Variants in SLC9A9 observed in about 807,000 individuals in gnomAD.
The protein encoded by SLC9A9 is sodium/hydrogen exchanger 9.
Under a neutral mutation model 77.8 loss-of-function variants are expected in SLC9A9, and 62 were observed. That is an observed-to-expected ratio of 0.80 (90% CI 0.65 to 0.98). SLC9A9 has a LOEUF of 0.98. SLC9A9 is among the 50% of genes least tolerant of loss of function. SLC9A9 has a pLI of 0.00. For synonymous variants in SLC9A9, 320 were observed against 283.5 expected (o/e 1.13, Z -1.29); for missense variants, 775 against 774.9 (o/e 1.00, Z 0.00).
chr3:143,329,433 A>G (rs545287083), intron 14 of SLC9A9, among the ~76,000 whole-genome samples: 1 of 152,336 alleles, frequency 6.6e-6, no homozygotes, highest in South Asian at 2.1e-4. Context: ...TCAGATCCCT[A>G]TTGACATGAA....
chr3:143,424,492 T>C (rs1559910041), intron 12 of SLC9A9, among the ~76,000 whole-genome samples: 1 of 151,906 alleles, frequency 6.6e-6, no homozygotes, highest in Non-Finnish European at 1.5e-5. Context: ...TTAGCCAGGA[T>C]GGTCTCAATC....
At chr3:143,328,531 T>C (rs569669465) in intron 14 of SLC9A9, among the ~76,000 whole-genome samples, 1 of 152,272 alleles carries the variant, frequency 6.6e-6, no homozygotes, top group Admixed American at 6.5e-5. Context: ...TTTGACACAT[T>C]CCGTTCTCCA....
intron 13 of SLC9A9, among the ~76,000 whole-genome samples, chr3:143,370,520 T>C (rs2033028271): frequency 6.6e-6 from 1 of 151,314 alleles, no homozygotes; most frequent in Non-Finnish European, 1.5e-5. Context: ...ATTCAGTTGG[T>C]GTGATAACTC....
At chr3:143,404,160 G>A (rs945661740) in intron 12 of SLC9A9, among the ~76,000 whole-genome samples, 1 of 145,952 alleles carries the variant, frequency 6.9e-6, no homozygotes, top group Non-Finnish European at 1.5e-5. Flanking sequence ...TTAATTTTTT[G>A]TATAATTTTT....
At chr3:143,592,234 A>G (rs1248473055) in intron 6 of SLC9A9, among the ~76,000 whole-genome samples, 1 of 152,230 alleles carries the variant, frequency 6.6e-6, no homozygotes, top group Non-Finnish European at 1.5e-5. Flanking sequence ...ATGAAACAAG[A>G]GGACCTTGGT....
intron 14 of SLC9A9, among the ~76,000 whole-genome samples, chr3:143,281,642 G>A (rs1206217400): frequency 6.6e-6 from 1 of 152,200 alleles, no homozygotes; most frequent in Non-Finnish European, 1.5e-5. Flanking sequence ...AGGCAGCAGG[G>A]ACTAGTCCAA....
intron 12 of SLC9A9, among the ~76,000 whole-genome samples, chr3:143,432,315 T>C (rs759007119): frequency 1.3e-5 from 2 of 152,154 alleles, no homozygotes; most frequent in African/African-American, 2.4e-5. Context: ...ATGTATGTAG[T>C]GGGAACAGGC....
chr3:143,303,634 C>T (rs147708345), intron 14 of SLC9A9, among the ~76,000 whole-genome samples: 2 of 152,324 alleles, frequency 1.3e-5, no homozygotes, highest in Non-Finnish European at 2.9e-5. Flanking sequence ...ATATTATTTG[C>T]TTTTTACATA....
At chr3:143,479,032 T>G (rs1001937963) in intron 11 of SLC9A9, among the ~76,000 whole-genome samples, 2 of 152,192 alleles carry the variant, frequency 1.3e-5, no homozygotes, top group African/African-American at 4.8e-5. Flanking sequence ...GACTGTCTCC[T>G]TTTATTACTC....
intron 12 of SLC9A9, among the ~76,000 whole-genome samples, chr3:143,391,410 C>T (rs998501686): frequency 6.6e-6 from 1 of 152,172 alleles, no homozygotes; most frequent in Admixed American, 6.5e-5. Flanking sequence ...AGAAGGAAAA[C>T]TAAAAAACAA....
At chr3:143,416,218 T>C (rs957149379) in intron 12 of SLC9A9, among the ~76,000 whole-genome samples, 1 of 152,158 alleles carries the variant, frequency 6.6e-6, no homozygotes, top group Non-Finnish European at 1.5e-5. Context: ...GCCATGAACA[T>C]GGTTGAAATA....
chr3:143,837,725 G>A (rs1367826254), intron 1 of SLC9A9, among the ~76,000 whole-genome samples: 1 of 152,182 alleles, frequency 6.6e-6, no homozygotes, highest in Non-Finnish European at 1.5e-5. Flanking sequence ...CTGATAACCG[G>A]TTTGGAATGG....
At position 143,785,845 on chromosome 3, in the gene SLC9A9, C is replaced by CTTTTTTTTT. The variant is rs57552730; in HGVS notation, c.533+9147_533+9155dup. ...GAGTAATTCTAAGACTTGAATTTTT[C>CTTTTTTTTT]TTTTTTTTTTTTTTTTTTTTTTTTT... On this transcript the variant is annotated intron_variant, in intron 4 of 15. Coordinates refer to ENST00000316549, the MANE Select transcript of SLC9A9 (RefSeq NM_173653.4). Among the ~76,000 whole-genome samples the CTTTTTTTTT allele has an allele frequency of 7.1e-5, 8 of 112,994 alleles. 1 individual carries two copies. The highest frequency in any genetic ancestry group is 1.5e-4 in the Non-Finnish European group (8 of 52,290). The allele number at this position is 112,994 out of a possible 152,430, so 74.1% of individuals were successfully genotyped here.
intron 8 of SLC9A9, among the ~76,000 whole-genome samples, chr3:143,568,257 T>A (rs1470572594): frequency 6.6e-6 from 1 of 151,946 alleles, no homozygotes; most frequent in African/African-American, 2.4e-5. Flanking sequence ...AGGGGAAGAG[T>A]GTCTAGTTGT....
intron 6 of SLC9A9, among the ~76,000 whole-genome samples, chr3:143,609,057 G>C (rs1157830433): frequency 1.3e-5 from 2 of 152,130 alleles, no homozygotes; most frequent in Non-Finnish European, 2.9e-5. Context: ...TCCCTTATCT[G>C]ATCCATTTTT....
At chr3:143,476,451 T>C (rs745358863) in intron 11 of SLC9A9, among the ~76,000 whole-genome samples, 3 of 152,250 alleles carry the variant, frequency 2.0e-5, no homozygotes, top group South Asian at 2.1e-4. Context: ...GAAAGGGTAA[T>C]TGTAAATAGG....
chr3:143,556,395 G>T (rs1255080192), intron 8 of SLC9A9, among the ~76,000 whole-genome samples: 1 of 152,220 alleles, frequency 6.6e-6, no homozygotes, highest in Non-Finnish European at 1.5e-5. Flanking sequence ...CTTTGCCAGT[G>T]CTGTTGGATC....
rs1371581738 is a variant in SLC9A9, at chr3:143,710,594, A to G, written c.534-17287T>C. ...GTCCAGAATCACTTGTTTTAAAACT[A>G]TAGAAACCAAGATCCAACCAGGTTA... On this transcript the variant is annotated intron_variant, in intron 4 of 15. Transcript: ENST00000316549. 2.0e-5 allele frequency among the ~76,000 whole-genome samples: 3 copies of G among 152,208 alleles called. No individual in the cohort carries two copies. In the South Asian group the frequency reaches 6.2e-4, roughly 31 times the overall value.
chr3:143,417,826 C>A (rs1419594242), intron 12 of SLC9A9, among the ~76,000 whole-genome samples: 1 of 151,962 alleles, frequency 6.6e-6, no homozygotes, highest in Non-Finnish European at 1.5e-5. Flanking sequence ...TTCAATAACT[C>A]CCCCCATATG....
Sources: gnomAD v4.1 joint callset for allele counts (sites outside exome capture counted in the v4.1 genomes callset) on GRCh38, gnomAD v4.1.1 for gene constraint, MANE v1.5 for transcripts, NCBI Gene and HGNC (gene_info 2026-07-23, HGNC 2026-07-21) for gene names.